Variants in MEF2A observed in about 807,000 individuals in gnomAD.
MEF2A encodes the protein myocyte-specific enhancer factor 2A.
MEF2A carries 28 observed loss-of-function variants against 55.8 expected under a neutral mutation model. The observed-to-expected ratio is 0.50, with a 90% CI of 0.37 to 0.69. The LOEUF (loss-of-function observed/expected upper bound fraction) is 0.69, where lower values mean the gene tolerates loss of function less well. Among genes scored for constraint, MEF2A ranks in the 30% least tolerant of loss-of-function variants. The pLI is 0.00. For missense variants in MEF2A, 528 were observed against 626.2 expected, an observed-to-expected ratio of 0.84 and a Z score of 1.67; for synonymous variants, 239 against 227.1, an observed-to-expected ratio of 1.05 and a Z score of -0.47.
At chr15:99,689,699 T>G (rs2055002847) in intron 7 of MEF2A, among the ~76,000 whole-genome samples, 1 of 152,198 alleles carries the variant, frequency 6.6e-6, no homozygotes, top group Admixed American at 6.5e-5. Flanking sequence ...CAAGCTGGTC[T>G]CAAACACCTG....
intron 2 of MEF2A, chr15:99,621,207 C>T (rs182629872): frequency 1.3e-5 from 2 of 152,232 alleles, no homozygotes; most frequent in African/African-American, 4.8e-5. Context: ...TTTTTCCTAC[C>T]CACAACAATA....
intron 7 of MEF2A, chr15:99,678,896 C>T (rs1372856345): frequency 1.3e-5 from 2 of 155,062 alleles, no homozygotes; most frequent in Admixed American, 1.3e-4. Context: ...TTAAGAATAC[C>T]TACAAATCAG....
intron 3 of MEF2A, among the ~76,000 whole-genome samples, chr15:99,636,043 T>G (rs2043772889): frequency 6.6e-6 from 1 of 152,162 alleles, no homozygotes; most frequent in South Asian, 2.1e-4. Context: ...TTCTAGCTGC[T>G]CCGGTCTTGA....
chr15:99,602,716 TTG>T (rs1180732504), intron 2 of MEF2A, among the ~76,000 whole-genome samples: 2 of 27,354 alleles, frequency 7.3e-5, no homozygotes, highest in Non-Finnish European at 1.9e-4. Flanking sequence ...GGGGAGCTTT[TTG>T]TGTGTGTGTG....
intron 8 of MEF2A, among the ~76,000 whole-genome samples, chr15:99,699,824 G>A (rs2057101214): frequency 6.6e-6 from 1 of 151,988 alleles, no homozygotes. Context: ...AATGGACATT[G>A]TAGATAAAGG....
intron 4 of MEF2A, among the ~76,000 whole-genome samples, chr15:99,647,061 A>G (rs948224529): frequency 6.6e-6 from 1 of 152,134 alleles, no homozygotes; most frequent in Admixed American, 6.5e-5. Flanking sequence ...TTATATCTTT[A>G]GCTAAACCCC....
chr15:99,613,191 A>C (rs2039598122), intron 2 of MEF2A, among the ~76,000 whole-genome samples: 1 of 152,008 alleles, frequency 6.6e-6, no homozygotes, highest in African/African-American at 2.4e-5. Flanking sequence ...TTTAAAAAGT[A>C]CTCTTGCTTG....
intron 4 of MEF2A, among the ~76,000 whole-genome samples, chr15:99,656,007 A>C (rs751804367): frequency 2.0e-4 from 30 of 152,110 alleles, no homozygotes; most frequent in Non-Finnish European, 4.1e-4. Context: ...GTGCTCAGTA[A>C]AGATTCAGCA....
intron 1 of MEF2A, among the ~76,000 whole-genome samples, chr15:99,597,809 TG>T (rs1416848587): frequency 6.6e-6 from 1 of 152,180 alleles, no homozygotes; most frequent in East Asian, 1.9e-4. Context: ...ACATGAATAT[TG>T]GGGCAGATTC....
chr15:99,633,260 CTTAATT>C (rs972384970), intron 3 of MEF2A, 87 bp downstream of exon 3: 92 of 904,426 alleles, frequency 1.0e-4, no homozygotes, highest in Non-Finnish European at 1.4e-4. Context: ...TTTTCTTAAA[CTTAATT>C]TTAAGTCTAA....
intron 4 of MEF2A, among the ~76,000 whole-genome samples, chr15:99,657,744 A>G (rs1055845294): frequency 5.9e-5 from 9 of 152,150 alleles, no homozygotes; most frequent in African/African-American, 2.2e-4. Flanking sequence ...GCCTTAAGAA[A>G]AGAGGAAAAT....
At chr15:99,668,952 A>G (rs2050337194) in intron 4 of MEF2A, among the ~76,000 whole-genome samples, 1 of 152,220 alleles carries the variant, frequency 6.6e-6, no homozygotes, top group Non-Finnish European at 1.5e-5. Context: ...TTATCTACAA[A>G]GCTGATAGAG....
At chr15:99,711,880 G>A (rs2058674776) in intron 11 of MEF2A, among the ~76,000 whole-genome samples, 1 of 152,208 alleles carries the variant, frequency 6.6e-6, no homozygotes, top group South Asian at 2.1e-4. Flanking sequence ...CCAGGCCCGG[G>A]GAACAGCCTG....
chr15:99,694,470 A>G (rs4965533), intron 8 of MEF2A, among the ~76,000 whole-genome samples: 64,530 of 152,060 alleles, frequency 0.42, 14,951 homozygotes, highest in Middle Eastern at 0.62. Context: ...AAAATGATCC[A>G]ATGAGTACTA....
intron 1 of MEF2A, among the ~76,000 whole-genome samples, chr15:99,572,953 G>A (rs1246104452): frequency 6.6e-6 from 1 of 152,190 alleles, no homozygotes; most frequent in Non-Finnish European, 1.5e-5. Flanking sequence ...ACCTATTATA[G>A]TAGATATAGT....
At chr15:99,676,729 C>T (rs984101549) in intron 7 of MEF2A, among the ~76,000 whole-genome samples, 2 of 152,034 alleles carry the variant, frequency 1.3e-5, no homozygotes, top group African/African-American at 2.4e-5. Flanking sequence ...GCCACCACGC[C>T]GGGCTAATTT....
At chr15:99,590,570 C>G (rs1968920680) in intron 1 of MEF2A, among the ~76,000 whole-genome samples, 1 of 150,798 alleles carries the variant, frequency 6.6e-6, no homozygotes, top group African/African-American at 2.4e-5. Context: ...TTTTATTTTC[C>G]TCTTTTTATA....
intron 4 of MEF2A, among the ~76,000 whole-genome samples, chr15:99,661,953 G>A (rs993779091): frequency 6.6e-6 from 1 of 151,786 alleles, no homozygotes; most frequent in African/African-American, 2.4e-5. Context: ...GTGAAAATGA[G>A]CCAGCTATAA....
At chr15:99,631,135 G>A (rs899742420) in intron 2 of MEF2A, among the ~76,000 whole-genome samples, 2 of 152,096 alleles carry the variant, frequency 1.3e-5, no homozygotes, top group African/African-American at 4.8e-5. Context: ...ATTGTCAAAA[G>A]CAAAAAATGC....
Sources: allele counts gnomAD v4.1 joint callset (sites outside exome capture counted in the v4.1 genomes callset), GRCh38; gene constraint gnomAD v4.1.1; transcripts MANE v1.5; gene names NCBI Gene and HGNC (gene_info 2026-07-23, HGNC 2026-07-21).